The following STARD3NL variants were observed in gnomAD, a reference collection of about 807,000 sequenced individuals.
STARD3NL encodes STARD3 N-terminal like.
In STARD3NL, 17 loss-of-function variants were observed where a neutral mutation model predicts 30.9. The ratio of observed to expected loss-of-function variants is 0.55; its 90% CI spans 0.38 to 0.82. The LOEUF (loss-of-function observed/expected upper bound fraction) is 0.82, where lower values mean the gene tolerates loss of function less well. Among genes scored for constraint, STARD3NL ranks in the 40% least tolerant of loss-of-function variants. The probability of loss-of-function intolerance (pLI) is 0.00; values close to 1 mark genes in which losing one functional copy is unlikely to be tolerated. For missense variants in STARD3NL, 234 were observed against 277.6 expected (o/e 0.84, Z 1.12); for synonymous variants, 112 against 100.5 (o/e 1.11, Z -0.69).
intron 1 of STARD3NL, among the ~76,000 whole-genome samples, chr7:38,181,714 C>A (rs1784253903): frequency 6.6e-6 from 1 of 152,126 alleles, no homozygotes; most frequent in South Asian, 2.1e-4. Context: ...AAATACCAAA[C>A]CTAGACATCC....
intron 1 of STARD3NL, among the ~76,000 whole-genome samples, chr7:38,193,301 T>C (rs1330516368): frequency 1.3e-5 from 2 of 151,888 alleles, no homozygotes; most frequent in Non-Finnish European, 2.9e-5. Context: ...GTTGTTGTTG[T>C]TGTTGTTGTT....
At chr7:38,206,378 GCCAGGAGTATATAATCCCA>G in intron 1 of STARD3NL, among the ~76,000 whole-genome samples, 1 of 152,310 alleles carries the variant, frequency 6.6e-6, no homozygotes, top group South Asian at 2.1e-4. Context: ...GTTCAGTAGA[GCCAGGAGTATATAATCCCA>G]CAGGGAGAGG....
At chr7:38,216,857 G>T (rs1446017335) in intron 4 of STARD3NL, 168 bp from the exon 5 acceptor site, 4 of 694,138 alleles carry the variant, frequency 5.8e-6, no homozygotes, top group South Asian at 2.0e-5. Context: ...TTTTGCCCCA[G>T]TGTGGGTCTA....
At chr7:38,217,853 T>C (rs764931795) in intron 6 of STARD3NL, among the ~76,000 whole-genome samples, 5 of 152,158 alleles carry the variant, frequency 3.3e-5, no homozygotes, top group Non-Finnish European at 5.9e-5. Flanking sequence ...TTGGTGGGTT[T>C]AGGATGAAGA....
chr7:38,210,716 G>T (rs913141648), intron 2 of STARD3NL, among the ~76,000 whole-genome samples: 2 of 152,180 alleles, frequency 1.3e-5, no homozygotes, highest in Non-Finnish European at 2.9e-5. Context: ...TAGACAGTGT[G>T]AACAGGGATC....
intron 7 of STARD3NL, among the ~76,000 whole-genome samples, chr7:38,225,276 T>C (rs1304508957): frequency 6.6e-6 from 1 of 152,206 alleles, no homozygotes; most frequent in Non-Finnish European, 1.5e-5. Flanking sequence ...CAAATATTTT[T>C]CCCAGTCTAT....
At chr7:38,218,077 T>G (rs180890391) in intron 6 of STARD3NL, among the ~76,000 whole-genome samples, 9 of 152,312 alleles carry the variant, frequency 5.9e-5, no homozygotes, top group Non-Finnish European at 8.8e-5. Flanking sequence ...CTTCTCCACA[T>G]AATGTCCTTA....
At chr7:38,193,424 G>A (rs10252742) in intron 1 of STARD3NL, among the ~76,000 whole-genome samples, 2,073 of 151,992 alleles carry the variant, frequency 0.014, 26 homozygotes, top group Non-Finnish European at 0.023. Flanking sequence ...TCAGACTCCC[G>A]AGTAGCAGGG....
rs1243866763 is a variant in STARD3NL, at chr7:38,217,203, G to C, written c.451G>C (p.Ala151Pro). 18 of 1,613,868 alleles carry C rather than the reference G, an allele frequency of 1.1e-5. No individual in the cohort carries two copies. Among genetic ancestry groups the C allele is most frequent in the Non-Finnish European group, 1.4e-5 (16 of 1,179,946 alleles). The change falls in exon 6 of 9, where the codon GCT (alanine) becomes CCT (proline). Residue 151 changes from alanine to proline, a missense_variant. Coordinates refer to ENST00000009041, the MANE Select transcript of STARD3NL (RefSeq NM_032016.4). ...VILSKLFSQG[A>P]FGYVLPIISF... ...TATTTTCCAGCTTTTCTCTCAAGGGGCTTTTGGCTATGTGCTGCCCATCAT... is the reference window on the plus strand; with the variant it reads ...TATTTTCCAGCTTTTCTCTCAAGGGCCTTTTGGCTATGTGCTGCCCATCAT...
chr7:38,209,818 CT>C (rs972475925), intron 2 of STARD3NL, among the ~76,000 whole-genome samples: 6 of 152,024 alleles, frequency 3.9e-5, no homozygotes, highest in African/African-American at 1.2e-4. Context: ...AGGCTGCCCC[CT>C]GTTCTTGTTC....
Position 38,203,278 on chromosome 7 carries a change from T to C in STARD3NL, c.-58-4169T>C, listed in dbSNP as rs556929097. Among the ~76,000 whole-genome samples, 1,183 of 152,240 alleles carry C rather than the reference T, an allele frequency of 7.8e-3. 12 individuals are homozygous for C. Among genetic ancestry groups the C allele is most frequent in the African/African-American group, 0.028 (1,151 of 41,524 alleles). ...AAGGGAAGCCCATCAGACTAACAGC[T>C]GATCTCTCGGCAGAAACTCTACAAG... On this transcript the variant is annotated intron_variant, in intron 1 of 8. Transcript: ENST00000009041.
At chr7:38,195,074 T>C (rs564678379) in intron 1 of STARD3NL, among the ~76,000 whole-genome samples, 3 of 152,170 alleles carry the variant, frequency 2.0e-5, no homozygotes, top group African/African-American at 2.4e-5. Flanking sequence ...TATATATATA[T>C]TTGGACTGAG....
At chr7:38,219,410 A>G (rs1226938389) in intron 6 of STARD3NL, among the ~76,000 whole-genome samples, 155 bp from the exon 7 acceptor site, 1 of 152,178 alleles carries the variant, frequency 6.6e-6, no homozygotes, top group East Asian at 1.9e-4. Flanking sequence ...TCATTTGTTA[A>G]TGAAACTTAT....
At chr7:38,178,468 T>A (rs940433072) in intron 1 of STARD3NL, 48 bp downstream of exon 1, 7 of 152,058 alleles carry the variant, frequency 4.6e-5, no homozygotes, top group African/African-American at 1.7e-4. Flanking sequence ...GAAAACTGAG[T>A]CTCCTGGGTC....
rs146767335 is a variant in STARD3NL, at chr7:38,192,282, T to C, written c.-59+13862T>C. Among the ~76,000 whole-genome samples, 3 of 138,936 alleles carry C rather than the reference T, an allele frequency of 2.2e-5. No homozygotes were observed. The East Asian group carries it at 6.5e-4, about 30-fold the overall frequency. 91.1% of individuals were successfully genotyped at this position (138,936 alleles called of 152,430 possible). Reference sequence around the variant, plus strand: ...AAAAGTGAGCTCTTGTTAACAAAGTTTTGTTGTTGTTGTTTGTTTCTTGCT... The same window carrying C: ...AAAAGTGAGCTCTTGTTAACAAAGTCTTGTTGTTGTTGTTTGTTTCTTGCT... On this transcript the variant is annotated intron_variant, in intron 1 of 8. Transcript: ENST00000009041.
chr7:38,228,521 AT>A (rs1389956991), intron 7 of STARD3NL, among the ~76,000 whole-genome samples: 1 of 152,242 alleles, frequency 6.6e-6, no homozygotes, highest in Non-Finnish European at 1.5e-5. Flanking sequence ...AAGAATAGTG[AT>A]TGATAATAGT....
chr7:38,181,785 G>A (rs1355811631), intron 1 of STARD3NL, among the ~76,000 whole-genome samples: 1 of 152,070 alleles, frequency 6.6e-6, no homozygotes, highest in East Asian at 1.9e-4. Flanking sequence ...GAAGACCCAG[G>A]TCATCATGAT....
chr7:38,202,264 T>A (rs1451787802), intron 1 of STARD3NL: 2 of 152,262 alleles, frequency 1.3e-5, no homozygotes, highest in African/African-American at 2.4e-5. Context: ...AAGTGGCTTC[T>A]TACTGAGTTT....
chr7:38,189,402 A>G (rs191916953), intron 1 of STARD3NL, among the ~76,000 whole-genome samples: 2 of 152,314 alleles, frequency 1.3e-5, no homozygotes, highest in East Asian at 1.9e-4. Flanking sequence ...TAAGTCAGCC[A>G]TGTGAATTAA....
Sources: gnomAD v4.1 joint callset for allele counts (sites outside exome capture counted in the v4.1 genomes callset) on GRCh38, gnomAD v4.1.1 for gene constraint, MANE v1.5 for transcripts, NCBI Gene and HGNC (gene_info 2026-07-23, HGNC 2026-07-21) for gene names.